The following SGPP2 variants were observed in gnomAD, a reference collection of about 807,000 sequenced individuals.
SGPP2 encodes the protein sphingosine 1-phosphate phosphohydrolase 2.
Under a neutral mutation model 33.9 loss-of-function variants are expected in SGPP2, and 30 were observed. That is an observed-to-expected ratio of 0.89 (90% CI 0.66 to 1.20). The LOEUF is 1.20. Ranked by LOEUF, SGPP2 falls within the 50% of genes most tolerant of loss-of-function variation. The probability of loss-of-function intolerance (pLI) is 0.00; values close to 1 mark genes in which losing one functional copy is unlikely to be tolerated. For missense variants in SGPP2, 458 were observed against 532.1 expected (o/e 0.86, Z 1.37); for synonymous variants, 233 against 225.0 (o/e 1.04, Z -0.32).
chr2:222,466,510 G>A (rs866969160), intron 1 of SGPP2, among the ~76,000 whole-genome samples: 4 of 151,984 alleles, frequency 2.6e-5, no homozygotes, highest in Non-Finnish European at 4.4e-5. Flanking sequence ...CGCCCACCTC[G>A]GCCTCCCAAA....
chr2:222,545,970 G>T (rs1689188272), intron 4 of SGPP2, among the ~76,000 whole-genome samples: 1 of 152,182 alleles, frequency 6.6e-6, no homozygotes, highest in Non-Finnish European at 1.5e-5. Context: ...GACTGTAGAA[G>T]AGCAAAGTAG....
Position 222,477,500 on chromosome 2 carries a change from T to TTTA in SGPP2, c.378+2776_378+2778dup, listed in dbSNP as rs1697963893. 6.6e-6 allele frequency among the ~76,000 whole-genome samples: 1 copy of TTTA among 151,920 alleles called. No individual in the cohort carries two copies. Among genetic ancestry groups the TTTA allele is most frequent in the African/African-American group, 2.4e-5 (1 of 41,286 alleles). On this transcript the variant is annotated intron_variant, in intron 2 of 4. Coordinates refer to ENST00000321276, the MANE Select transcript of SGPP2 (RefSeq NM_152386.4). This position sits in a 1 kb window ranked among gnomAD's most constrained non-coding sequence, Gnocchi z 6.0. ...GTGTGTATATAGGTGTGTATATATG[T>TTTA]TTATGTGTATATATATGTCTGTGTA... is the stretch of plus-strand genomic sequence containing the variant.
At chr2:222,547,032 A>G (rs1398818262) in intron 4 of SGPP2, among the ~76,000 whole-genome samples, 1 of 152,128 alleles carries the variant, frequency 6.6e-6, no homozygotes, top group Non-Finnish European at 1.5e-5. Flanking sequence ...TTCCCAGGAG[A>G]CCTGAATGCA....
At chr2:222,554,733 A>G (rs1262486020) in intron 4 of SGPP2, among the ~76,000 whole-genome samples, 2 of 152,152 alleles carry the variant, frequency 1.3e-5, no homozygotes, top group Non-Finnish European at 2.9e-5. Context: ...GAAGGGAGCA[A>G]CTATACTGGG....
intron 2 of SGPP2, among the ~76,000 whole-genome samples, chr2:222,489,472 G>C (rs1363086884): frequency 6.6e-6 from 1 of 151,710 alleles, no homozygotes; most frequent in Non-Finnish European, 1.5e-5. Context: ...ACAAGCTAAA[G>C]GTTGTTTCAG....
intron 1 of SGPP2, among the ~76,000 whole-genome samples, chr2:222,430,538 C>T (rs555579351): frequency 4.6e-4 from 70 of 152,230 alleles, no homozygotes; most frequent in African/African-American, 1.6e-3. Flanking sequence ...AGGCTAGTCT[C>T]GAACTCCTGG....
At chr2:222,511,068 G>A (rs1396684739) in intron 2 of SGPP2, among the ~76,000 whole-genome samples, 2 of 152,192 alleles carry the variant, frequency 1.3e-5, no homozygotes, top group East Asian at 3.9e-4. Context: ...AATTGGAAAT[G>A]TGTTAGACAT....
At chr2:222,478,172 G>A (rs1290588633) in intron 2 of SGPP2, among the ~76,000 whole-genome samples, 2 of 138,066 alleles carry the variant, frequency 1.4e-5, no homozygotes, top group East Asian at 4.3e-4. Flanking sequence ...TCCAAGGGGC[G>A]AGAGGGAGAG....
At chr2:222,554,676 G>T (rs2106157445) in intron 4 of SGPP2, among the ~76,000 whole-genome samples, 1 of 152,226 alleles carries the variant, frequency 6.6e-6, no homozygotes, top group East Asian at 1.9e-4. Context: ...TGTCAGCAGG[G>T]ACAGGCGAGG....
chr2:222,524,598 G>A (rs777637121), intron 3 of SGPP2, among the ~76,000 whole-genome samples: 9 of 152,070 alleles, frequency 5.9e-5, no homozygotes, highest in Non-Finnish European at 1.0e-4. Context: ...GTTTCTTATC[G>A]TTCTAATTTA....
chr2:222,473,532 G>A (rs1697880972), intron 1 of SGPP2, among the ~76,000 whole-genome samples: 1 of 152,190 alleles, frequency 6.6e-6, no homozygotes, highest in South Asian at 2.1e-4. Flanking sequence ...CTGGGAAGGA[G>A]AGGGGATGAA....
At chr2:222,535,844 G>C (rs150245326) in intron 4 of SGPP2, among the ~76,000 whole-genome samples, 163 of 152,304 alleles carry the variant, frequency 1.1e-3, no homozygotes, top group African/African-American at 3.8e-3. Flanking sequence ...CTTCAGATGT[G>C]GTCCATTGGG....
At position 222,521,858 on chromosome 2, in the gene SGPP2, TC is replaced by T. The variant is rs1559168728; in HGVS notation, c.471del (p.Ile157MetfsTer38). ...GTTGTAAAACTGGAAAAGAGACTGA[TC>T]GCTGAATATGGAATGCCATCCACCC... ...PPVVKLEKRLIAEYGMPSTHA... is the reference protein window; with the variant it reads ...PPVVKLEKRLXAEYGMPSTHA... On this transcript the variant is annotated frameshift_variant, in exon 3 of 5. Coordinates refer to ENST00000321276, the MANE Select transcript of SGPP2 (RefSeq NM_152386.4). LOFTEE classifies it high-confidence loss of function. The T allele has an allele frequency of 3.7e-6, 6 of 1,611,478 alleles. No homozygotes were observed. Among genetic ancestry groups the T allele is most frequent in the Non-Finnish European group, 5.1e-6 (6 of 1,179,060 alleles).
chr2:222,547,146 T>C (rs1689217114), intron 4 of SGPP2, among the ~76,000 whole-genome samples: 1 of 152,246 alleles, frequency 6.6e-6, no homozygotes, highest in Admixed American at 6.5e-5. Context: ...TTAACAATTA[T>C]ATAGCGTCCA....
intron 1 of SGPP2, among the ~76,000 whole-genome samples, chr2:222,461,433 C>A (rs151137145): frequency 1.3e-5 from 2 of 152,162 alleles, no homozygotes; most frequent in Non-Finnish European, 2.9e-5. Flanking sequence ...TTCCCACGGA[C>A]TGGGCAGGTG....
intron 2 of SGPP2, among the ~76,000 whole-genome samples, chr2:222,485,051 G>T (rs1376481302): frequency 1.3e-5 from 2 of 152,146 alleles, no homozygotes; most frequent in East Asian, 3.8e-4. Flanking sequence ...GAGTACAACT[G>T]AAGTCCAAAG....
chr2:222,472,773 T>C (rs1402325861), intron 1 of SGPP2, among the ~76,000 whole-genome samples: 2 of 152,100 alleles, frequency 1.3e-5, no homozygotes, highest in African/African-American at 4.8e-5. Flanking sequence ...TAAACTAAAC[T>C]AAAGGCCAAG....
chr2:222,507,501 T>TA (rs1327345919), intron 2 of SGPP2, among the ~76,000 whole-genome samples: 1 of 152,250 alleles, frequency 6.6e-6, no homozygotes, highest in Non-Finnish European at 1.5e-5. Flanking sequence ...GATCTTTTAA[T>TA]ATTATTTCTT....
chr2:222,498,947 G>C (rs1468122734), intron 2 of SGPP2, among the ~76,000 whole-genome samples: 2 of 152,156 alleles, frequency 1.3e-5, no homozygotes, highest in African/African-American at 4.8e-5. Flanking sequence ...TGTTCATATG[G>C]AAACCAGTAT....
Sources: gnomAD v4.1 joint callset for allele counts (sites outside exome capture counted in the v4.1 genomes callset) on GRCh38, gnomAD v4.1.1 for gene constraint, Gnocchi (gnomAD v3.1) non-coding constraint, MANE v1.5 for transcripts, NCBI Gene and HGNC (gene_info 2026-07-23, HGNC 2026-07-21) for gene names.